The following LAMA2 variants were observed in gnomAD, a reference collection of about 807,000 sequenced individuals.
LAMA2 encodes the protein laminin subunit alpha 2.
In LAMA2, 269 loss-of-function variants were observed where a neutral mutation model predicts 364.8. The observed-to-expected ratio is 0.74, with a 90% confidence interval of 0.67 to 0.82. The LOEUF is 0.82. Ranked by LOEUF, LAMA2 falls within the 40% of genes least tolerant of loss-of-function variation. The pLI, the probability that LAMA2 is intolerant of heterozygous loss-of-function variation, is 0.00. For synonymous variants in LAMA2, 1,379 were observed against 1,370.6 expected (o/e 1.01, Z -0.14); for missense variants, 3,807 against 3,873.2 (o/e 0.98, Z 0.45).
intron 1 of LAMA2, among the ~76,000 whole-genome samples, chr6:129,047,274 T>G (rs1286336377): frequency 6.6e-6 from 1 of 152,230 alleles, no homozygotes; most frequent in East Asian, 1.9e-4. Context: ...AATAATACTT[T>G]ATGAATGTTT....
intron 1 of LAMA2, among the ~76,000 whole-genome samples, chr6:128,918,920 G>A (rs1778521744): frequency 2.0e-5 from 3 of 152,130 alleles, no homozygotes; most frequent in African/African-American, 7.2e-5. Context: ...TGGGAGGTGT[G>A]CATTTTGGAT....
At chr6:128,903,172 C>T (rs187484326) in intron 1 of LAMA2, among the ~76,000 whole-genome samples, 2 of 152,032 alleles carry the variant, frequency 1.3e-5, no homozygotes, top group Admixed American at 1.3e-4. Context: ...GTGAAATCAT[C>T]CTTTCACCAA....
At chr6:129,159,088 C>A in intron 8 of LAMA2, 1 of 1,578,502 alleles carries the variant, frequency 6.3e-7, no homozygotes, top group South Asian at 1.1e-5. Flanking sequence ...AATAGGCTCC[C>A]AATAATCTGA....
At chr6:129,445,098 T>C (rs983847084) in intron 44 of LAMA2, among the ~76,000 whole-genome samples, 7 of 152,206 alleles carry the variant, frequency 4.6e-5, no homozygotes, top group African/African-American at 1.7e-4. Context: ...CAAAATGAAA[T>C]TGAACTGCAC....
intron 1 of LAMA2, among the ~76,000 whole-genome samples, chr6:129,013,105 T>G (rs556207950): frequency 5.9e-5 from 9 of 152,342 alleles, no homozygotes; most frequent in African/African-American, 2.2e-4. Context: ...TTTGAAGCAG[T>G]CTTTCAGCTT....
chr6:128,912,829 A>G (rs562536296), intron 1 of LAMA2, among the ~76,000 whole-genome samples: 1 of 152,332 alleles, frequency 6.6e-6, no homozygotes, highest in East Asian at 1.9e-4. Context: ...TCTAACAGGA[A>G]CAGGGCAGTT....
intron 3 of LAMA2, among the ~76,000 whole-genome samples, chr6:129,067,127 TTCAAA>T (rs1337235639): frequency 6.6e-6 from 1 of 152,230 alleles, no homozygotes; most frequent in Non-Finnish European, 1.5e-5. Flanking sequence ...ATGGCTGCTC[TTCAAA>T]TCACTGAATT....
At chr6:129,160,303 G>T (rs1393781076) in intron 8 of LAMA2, among the ~76,000 whole-genome samples, 1 of 152,008 alleles carries the variant, frequency 6.6e-6, no homozygotes, top group African/African-American at 2.4e-5. Flanking sequence ...TATCTTTAGG[G>T]AGGGTCAATT....
chr6:129,307,640 C>G (rs780400112), intron 22 of LAMA2, among the ~76,000 whole-genome samples: 7 of 152,116 alleles, frequency 4.6e-5, no homozygotes, highest in Non-Finnish European at 8.8e-5. Flanking sequence ...TATCTAAAAA[C>G]AATTGTTTCT....
At chr6:128,970,988 T>C (rs990785784) in intron 1 of LAMA2, among the ~76,000 whole-genome samples, 4 of 152,100 alleles carry the variant, frequency 2.6e-5, no homozygotes, top group African/African-American at 9.7e-5. Flanking sequence ...GGCCAAGATA[T>C]TCATTTCTAC....
At chr6:129,409,463 A>G (rs1011860625) in intron 40 of LAMA2, among the ~76,000 whole-genome samples, 1 of 152,192 alleles carries the variant, frequency 6.6e-6, no homozygotes, top group African/African-American at 2.4e-5. Flanking sequence ...ACAGTTGATG[A>G]TGGAAGGCTG....
intron 1 of LAMA2, among the ~76,000 whole-genome samples, chr6:128,988,961 G>A (rs1056686832): frequency 6.6e-6 from 1 of 152,008 alleles, no homozygotes; most frequent in African/African-American, 2.4e-5. Flanking sequence ...AAATAGTAAA[G>A]GATTATTTGT....
chr6:128,910,894 C>A (rs1777879181), intron 1 of LAMA2, among the ~76,000 whole-genome samples: 3 of 151,524 alleles, frequency 2.0e-5, no homozygotes, highest in South Asian at 4.2e-4. Context: ...GAGTACCCTG[C>A]CATGTGAGGT....
At chr6:129,340,830 C>CAAAAAA (rs34264921) in intron 29 of LAMA2, among the ~76,000 whole-genome samples, 2 of 59,588 alleles carry the variant, frequency 3.4e-5, no homozygotes, top group Admixed American at 1.9e-4. Flanking sequence ...AGCTCTGTCT[C>CAAAAAA]AAAAAAAAAA....
intron 28 of LAMA2, among the ~76,000 whole-genome samples, chr6:129,322,902 T>G (rs1775054868): frequency 6.6e-6 from 1 of 152,152 alleles, no homozygotes; most frequent in Non-Finnish European, 1.5e-5. Context: ...TATGAAAATG[T>G]AAATGAGCAC....
At chr6:129,364,310 A>G (rs554736808) in intron 32 of LAMA2, among the ~76,000 whole-genome samples, 12 of 152,308 alleles carry the variant, frequency 7.9e-5, no homozygotes, top group Admixed American at 2.6e-4. Flanking sequence ...ACTGCTGTTT[A>G]GAGACCTAAT....
chr6:128,883,389 C>T lies in LAMA2; in HGVS notation c.112+32C>T, dbSNP rs1488761352. On this transcript the variant is annotated intron_variant, in intron 1 of 64. Transcript: ENST00000421865. ...TCGAGGCATGGGCTTGGGTTGCATC[C>T]TTTGCCGGGACCGAGATTCCTCACT... The T allele has an allele frequency of 9.6e-6, 15 of 1,560,640 alleles. No homozygotes were observed. The Admixed American group carries it at 1.7e-4, about 18-fold the overall frequency.
intron 1 of LAMA2, among the ~76,000 whole-genome samples, chr6:128,915,000 A>G (rs1464757505): frequency 6.6e-6 from 1 of 152,268 alleles, no homozygotes; most frequent in Admixed American, 6.5e-5. Context: ...GTAAAAGTAC[A>G]ATTAAGACAA....
At position 129,434,643 on chromosome 6, in the gene LAMA2, A is replaced by G. The variant is rs147252424; in HGVS notation, c.5969-4003A>G. 6.5e-4 allele frequency among the ~76,000 whole-genome samples: 99 copies of G among 152,316 alleles called. 1 individual carries two copies. In the East Asian group the frequency reaches 0.015, roughly 24 times the overall value. On this transcript the variant is annotated intron_variant, in intron 41 of 64. Transcript: ENST00000421865. ...ATAATTCTATGTCTTCACCCTTGTT[A>G]CAATTCAAACTGAATCACAAGAGTT... is the stretch of plus-strand genomic sequence containing the variant.
Sources: gnomAD v4.1 joint callset for allele counts (sites outside exome capture counted in the v4.1 genomes callset) on GRCh38, gnomAD v4.1.1 for gene constraint, MANE v1.5 for transcripts, NCBI Gene and HGNC (gene_info 2026-07-23, HGNC 2026-07-21) for gene names.